The following EREG variants were observed in gnomAD, a reference collection of about 807,000 sequenced individuals.
EREG encodes the protein epiregulin.
Under a neutral mutation model 22.4 loss-of-function variants are expected in EREG, and 23 were observed. The ratio of observed to expected loss-of-function variants is 1.03; its 90% CI spans 0.74 to 1.46. The LOEUF is 1.46. EREG is among the 40% of genes most tolerant of loss of function. EREG has a pLI of 0.00. For synonymous variants in EREG, 100 were observed against 75.4 expected (o/e 1.33, Z -1.69); for missense variants, 226 against 205.9 (o/e 1.10, Z -0.60).
In EREG at chr4:74,381,137, G is replaced by A. The variant is rs879069008; in HGVS notation, c.278G>A (p.Arg93Lys). The change falls in exon 3 of 5, where the codon AGG (arginine) becomes AAG (lysine). Residue 93 changes from arginine to lysine, a missense_variant and splice_region_variant. Coordinates refer to ENST00000244869, the MANE Select transcript of EREG (RefSeq NM_001432.3). ...YLVDMSQNYC[R>K]CEVGYTGVRC... ...GTGGACATGAGTCAAAACTACTGCA[G>A]GTAATATGTCAGAAATAAACAAACA... 4.4e-6 allele frequency: 7 copies of A among 1,608,588 alleles called. No individual in the cohort carries two copies. The Admixed American group carries it at 8.5e-5, about 20-fold the overall frequency.
chr4:74,380,150 G>A (rs1391565690), intron 2 of EREG, among the ~76,000 whole-genome samples: 1 of 152,160 alleles, frequency 6.6e-6, no homozygotes, highest in African/African-American at 2.4e-5. Context: ...AGATAACTGA[G>A]TTATTTTGAG....
At chr4:74,371,795 A>C (rs1560596891) in intron 1 of EREG, among the ~76,000 whole-genome samples, 1 of 151,990 alleles carries the variant, frequency 6.6e-6, no homozygotes, top group Non-Finnish European at 1.5e-5. Flanking sequence ...TTCATGCCCA[A>C]ATGCCACCAC....
At chr4:74,378,729 A>AGTCATTCTTGATAT (rs1752425045) in intron 1 of EREG, among the ~76,000 whole-genome samples, 1 of 152,222 alleles carries the variant, frequency 6.6e-6, no homozygotes, top group Non-Finnish European at 1.5e-5. Context: ...TGATTCCTAC[A>AGTCATTCTTGATAT]CAATTCAGAA....
chr4:74,371,857 G>GTTT lies in EREG; in HGVS notation c.67+6492_67+6494dup, dbSNP rs529816323. On this transcript the variant is annotated intron_variant, in intron 1 of 4. Transcript: ENST00000244869. ...TCCTTTTTTAATGGCAGCATTCTCT[G>GTTT]TTTTTTTTTTTTCTGACTAGAAACT... 7.7e-3 allele frequency among the ~76,000 whole-genome samples: 1,091 copies of GTTT among 142,544 alleles called. 12 individuals are homozygous for GTTT. Among genetic ancestry groups the GTTT allele is most frequent in the African/African-American group, 0.026 (1,040 of 39,320 alleles). 93.5% of individuals were successfully genotyped at this position (142,544 alleles called of 152,430 possible). A position where few individuals can be genotyped will look rare whatever the true frequency, so the allele number is the denominator to read the frequency against.
intron 4 of EREG, among the ~76,000 whole-genome samples, chr4:74,383,424 TA>T (rs1194955225): frequency 6.6e-6 from 1 of 152,088 alleles, no homozygotes; most frequent in Non-Finnish European, 1.5e-5. Context: ...TAGACAATTA[TA>T]AAAAATGGTT....
At chr4:74,381,934 GA>G (rs1018949715) in intron 3 of EREG, 11 of 125,580 alleles carry the variant, frequency 8.8e-5, no homozygotes, top group African/African-American at 3.3e-4. Context: ...GCAGTGAGCG[GA>G]GATCATGCCA....
At position 74,365,355 on chromosome 4, in the gene EREG, C is replaced by A. The variant is rs1442072948; in HGVS notation, c.47C>A (p.Pro16His). Residue 16 changes from proline (P) to histidine (H), a missense_variant, in exon 1 of 5, where the codon CCT (proline) becomes CAT (histidine). Physicochemically the swap from Pro to His is moderately conservative, Grantham distance 77 (BLOSUM62 -2). Coordinates refer to ENST00000244869, the MANE Select transcript of EREG (RefSeq NM_001432.3). ...GAGATGCTCTGTGCCGGCAGGGTCC[C>A]TGCGCTGCTGCTCTGCCTGGGTAAG... ...RMEMLCAGRV[P>H]ALLLCLGFHL... 1.2e-6 allele frequency: 2 copies of A among 1,610,980 alleles called. No homozygotes were observed. Among genetic ancestry groups the A allele is most frequent in the Non-Finnish European group, 1.7e-6 (2 of 1,179,986 alleles).
At chr4:74,373,607 T>C (rs1752329480) in intron 1 of EREG, among the ~76,000 whole-genome samples, 1 of 148,714 alleles carries the variant, frequency 6.7e-6, no homozygotes, top group African/African-American at 2.4e-5. Context: ...TATATATATG[T>C]GTGTATATAT....
chr4:74,366,979 A>C (rs1056032819), intron 1 of EREG, among the ~76,000 whole-genome samples: 3 of 152,180 alleles, frequency 2.0e-5, no homozygotes, highest in Non-Finnish European at 4.4e-5. Context: ...CCATAGCCTT[A>C]TTTTGGCAAG....
chr4:74,377,899 T>C (rs1463260425), intron 1 of EREG, among the ~76,000 whole-genome samples: 3 of 152,170 alleles, frequency 2.0e-5, no homozygotes, highest in Non-Finnish European at 4.4e-5. Flanking sequence ...CGGGTCCCTC[T>C]CTCAATACAT....
At chr4:74,381,212 G>A (rs1214053317) in intron 3 of EREG, 75 bp downstream of exon 3, 5 of 1,314,016 alleles carry the variant, frequency 3.8e-6, no homozygotes, top group Non-Finnish European at 5.4e-6. Flanking sequence ...GTGCAGATTT[G>A]CTAGTGGATA....
In EREG at chr4:74,365,284, G is replaced by T; in HGVS notation, c.-25G>T. The T allele has an allele frequency of 6.3e-6, 10 of 1,595,010 alleles. No individual in the cohort carries two copies. Among genetic ancestry groups the T allele is most frequent in the Non-Finnish European group, 8.5e-6 (10 of 1,175,536 alleles). On this transcript the variant is annotated 5_prime_UTR_variant, in exon 1 of 5. Transcript: ENST00000244869. ...ACTCTCCGCAGCCGCCCTCCGCCAA[G>T]CCCCAGCGCCCGCTCCCATCGCCGA...
chr4:74,375,633 C>G (rs1752369258), intron 1 of EREG, among the ~76,000 whole-genome samples: 1 of 151,942 alleles, frequency 6.6e-6, no homozygotes, highest in Non-Finnish European at 1.5e-5. Context: ...CCGGCCTGAC[C>G]AGCGATTCTT....
intron 3 of EREG, chr4:74,382,316 G>C (rs1335362408): frequency 5.3e-6 from 1 of 189,208 alleles, no homozygotes; most frequent in Non-Finnish European, 1.1e-5. Flanking sequence ...AAACCAAACA[G>C]ACAAACAAAC....
intron 4 of EREG, 76 bp downstream of exon 4, chr4:74,382,870 T>G (rs778922567): frequency 1.0e-5 from 11 of 1,082,422 alleles, no homozygotes; most frequent in Non-Finnish European, 1.5e-5. Context: ...TGGGTAAAAA[T>G]ATGGATAAAG....
At chr4:74,383,691 A>G (rs900447509) in intron 4 of EREG, among the ~76,000 whole-genome samples, 1 of 152,174 alleles carries the variant, frequency 6.6e-6, no homozygotes, top group African/African-American at 2.4e-5. Context: ...TTTTTCTGTG[A>G]AAGTAGTGCA....
Position 74,384,939 on chromosome 4 carries a change from AT to A in EREG, c.*132del. On this transcript the variant is annotated 3_prime_UTR_variant, in exon 5 of 5. Coordinates refer to ENST00000244869, the MANE Select transcript of EREG (RefSeq NM_001432.3). ...CACTGTATTTTAATGTACTTGAAAA[AT>A]GTTTTTATTTTTGTTTTATTTTTGA... is the stretch of plus-strand genomic sequence containing the variant. 2.1e-6 allele frequency: 1 copy of A among 485,862 alleles called. No homozygotes were observed. Among genetic ancestry groups the A allele is most frequent in the South Asian group, 5.9e-5 (1 of 16,914 alleles). The allele number at this position is 485,862 out of a possible 1,614,324, so 30.1% of individuals were successfully genotyped here. A position where few individuals can be genotyped will look rare whatever the true frequency, so the allele number is the denominator to read the frequency against.
At chr4:74,379,207 G>C (rs1341438373) in intron 1 of EREG, among the ~76,000 whole-genome samples, 4 of 152,158 alleles carry the variant, frequency 2.6e-5, no homozygotes, top group African/African-American at 9.7e-5. Context: ...GAAATATTTA[G>C]AGCAGGTCAA....
rs1752598064 is a variant in EREG, at chr4:74,387,873, G to A, written c.*3065G>A. 1 of 152,148 alleles carries A rather than the reference G, an allele frequency of 6.6e-6. No homozygotes were observed. Among genetic ancestry groups the A allele is most frequent in the African/African-American group, 2.4e-5 (1 of 41,436 alleles). 9.4% of individuals were successfully genotyped at this position (152,148 alleles called of 1,614,324 possible). The stretch of plus-strand genomic sequence containing the variant: ...CCAGGAATATTAAGTTCTATAACTA[G>A]TACTCAAGGTTTAACCTTAAAATTA... On this transcript the variant is annotated 3_prime_UTR_variant, in exon 5 of 5. Coordinates refer to ENST00000244869, the MANE Select transcript of EREG (RefSeq NM_001432.3).
Sources: gnomAD v4.1 joint callset for allele counts (sites outside exome capture counted in the v4.1 genomes callset) on GRCh38, gnomAD v4.1.1 for gene constraint, MANE v1.5 for transcripts, NCBI Gene and HGNC (gene_info 2026-07-23, HGNC 2026-07-21) for gene names.